The following MYRFL variants were observed in gnomAD, a reference collection of about 807,000 sequenced individuals.
MYRFL encodes the protein myelin regulatory factor like.
In MYRFL, 88 loss-of-function variants were observed where a neutral mutation model predicts 109.4. The observed-to-expected ratio is 0.80, with a 90% CI of 0.68 to 0.96. MYRFL has a LOEUF of 0.96. MYRFL is among the 40% of genes least tolerant of loss of function. The probability of loss-of-function intolerance (pLI) is 0.00; values close to 1 mark genes in which losing one functional copy is unlikely to be tolerated. For synonymous variants in MYRFL, 324 were observed against 320.9 expected, an observed-to-expected ratio of 1.01 and a Z score of -0.10; for missense variants, 957 against 954.9, an observed-to-expected ratio of 1.00 and a Z score of -0.03.
At chr12:69,932,702 A>G (rs987963879) in intron 16 of MYRFL, 104 bp downstream of exon 16, 2 of 835,970 alleles carry the variant, frequency 2.4e-6, no homozygotes, top group Non-Finnish European at 3.8e-6. Context: ...TTTGAAGACA[A>G]GAAGCCCTTT....
chr12:69,914,666 G>A (rs1954676947), intron 13 of MYRFL, among the ~76,000 whole-genome samples: 1 of 152,136 alleles, frequency 6.6e-6, no homozygotes, highest in African/African-American at 2.4e-5. Context: ...CTTCTTCCAG[G>A]AGAGGCTACA....
At chr12:69,886,082 CA>C (rs1313439202) in intron 5 of MYRFL, among the ~76,000 whole-genome samples, 1 of 151,342 alleles carries the variant, frequency 6.6e-6, no homozygotes, top group Non-Finnish European at 1.5e-5. Flanking sequence ...AACCAAAATT[CA>C]AAAAAAAGCA....
intron 19 of MYRFL, among the ~76,000 whole-genome samples, chr12:69,951,302 G>A (rs1955969686): frequency 6.6e-6 from 1 of 152,080 alleles, no homozygotes; most frequent in Non-Finnish European, 1.5e-5. Context: ...GTGTCAGCAG[G>A]TCTGATTTCT....
At position 69,897,166 on chromosome 12, in the gene MYRFL, T is replaced by G; in HGVS notation, c.1102T>G (p.Leu368Val). 1 of 1,535,428 alleles carries G rather than the reference T, an allele frequency of 6.5e-7. No individual in the cohort carries two copies. Among genetic ancestry groups the G allele is most frequent in the South Asian group, 1.2e-5 (1 of 84,042 alleles). Residue 368 changes from leucine to valine, a missense_variant, in exon 10 of 25, where the codon TTG (leucine) becomes GTG (valine). Transcript: ENST00000552032. Reference protein sequence around the residue: ...KPNPDQRYFMLVVGLYAANQD... With the variant: ...KPNPDQRYFMVVVGLYAANQD... ...CTGTCTCTGAATTAGATACTTCATG[T>G]TGGTGGTTGGACTGTATGCTGCTAA...
In MYRFL at chr12:69,837,560, A is replaced by T. The variant is rs182036921; in HGVS notation, c.46+11997A>T. On this transcript the variant is annotated intron_variant, in intron 1 of 24. Transcript: ENST00000552032. ...TGTTATCACATTTCATCTGCAAGCC[A>T]CTCTGTAAGGTGGTAAAACCCATCT... Among the ~76,000 whole-genome samples the T allele has an allele frequency of 2.1e-4, 32 of 152,250 alleles. 1 individual carries two copies. Among genetic ancestry groups the T allele is most frequent in the Middle Eastern group, 3.4e-3 (1 of 294 alleles).
chr12:69,873,393 G>A (rs540718813), intron 2 of MYRFL, among the ~76,000 whole-genome samples: 65 of 152,248 alleles, frequency 4.3e-4, no homozygotes, highest in African/African-American at 1.3e-3. Flanking sequence ...CTCAGCACAC[G>A]ATTTTTTTTT....
chr12:69,891,772 C>T (rs985155314), intron 7 of MYRFL, among the ~76,000 whole-genome samples: 2 of 151,458 alleles, frequency 1.3e-5, no homozygotes, highest in Admixed American at 1.3e-4. Context: ...GATTATGCCT[C>T]ATTGCAGCCT....
intron 5 of MYRFL, among the ~76,000 whole-genome samples, chr12:69,881,596 C>T (rs1230774909): frequency 6.6e-6 from 1 of 152,214 alleles, no homozygotes; most frequent in African/African-American, 2.4e-5. Flanking sequence ...TGGAGGCCTT[C>T]TGTGGATGAT....
At chr12:69,854,154 G>C (rs146335146) in intron 1 of MYRFL, among the ~76,000 whole-genome samples, 8 of 152,182 alleles carry the variant, frequency 5.3e-5, no homozygotes, top group African/African-American at 2.4e-5. Flanking sequence ...AGACCAGTCC[G>C]GCCAACACGG....
chr12:69,936,510 T>C lies in MYRFL; in HGVS notation c.2102T>C (p.Phe701Ser). The change falls in exon 19 of 25, where the codon TTC becomes TCC. Residue 701 changes from phenylalanine to serine, a missense_variant. Physicochemically the swap from Phe to Ser is radical, Grantham distance 155. Coordinates refer to ENST00000552032, the MANE Select transcript of MYRFL (RefSeq NM_182530.3). ...TCCTTACAAGTACCTGAAATTACTT[T>C]CTGTGAAATCCTGCCGTGTCAGGAG... ...PASLQVPEIT[F>S]CEILPCQETY... The C allele has an allele frequency of 6.5e-7, 1 of 1,536,132 alleles. No individual in the cohort carries two copies. Among genetic ancestry groups the C allele is most frequent in the Non-Finnish European group, 8.7e-7 (1 of 1,146,924 alleles).
At chr12:69,951,423 CTTTTTTTTTTT>C (rs11310328) in intron 19 of MYRFL, among the ~76,000 whole-genome samples, 4 of 89,200 alleles carry the variant, frequency 4.5e-5, no homozygotes, top group Middle Eastern at 6.8e-3. Flanking sequence ...TCCTAACCTG[CTTTTTTTTTTT>C]TTTTTTTTTT....
chr12:69,853,195 G>A (rs569214582), intron 1 of MYRFL, among the ~76,000 whole-genome samples: 1 of 151,560 alleles, frequency 6.6e-6, no homozygotes, highest in African/African-American at 2.4e-5. Context: ...CCCGGACGGG[G>A]CAGCTGCCGG....
At chr12:69,827,139 A>G (rs1363281901) in intron 1 of MYRFL, among the ~76,000 whole-genome samples, 1 of 152,056 alleles carries the variant, frequency 6.6e-6, no homozygotes, top group Non-Finnish European at 1.5e-5. Context: ...ACACCATCTC[A>G]TATATAAAAA....
chr12:69,857,564 A>G (rs1884373687), intron 2 of MYRFL, among the ~76,000 whole-genome samples: 3 of 151,846 alleles, frequency 2.0e-5, no homozygotes, highest in South Asian at 2.1e-4. Context: ...GATTTCTTTC[A>G]TCAGTGTTTT....
At chr12:69,855,030 T>C (rs1011063937) in intron 1 of MYRFL, among the ~76,000 whole-genome samples, 8 of 152,238 alleles carry the variant, frequency 5.3e-5, no homozygotes, top group Non-Finnish European at 1.2e-4. Flanking sequence ...AAAGAAAGTG[T>C]GAAACAAGAT....
intron 19 of MYRFL, among the ~76,000 whole-genome samples, chr12:69,948,552 T>C (rs1955893796): frequency 6.6e-6 from 1 of 152,178 alleles, no homozygotes; most frequent in South Asian, 2.1e-4. Context: ...TTTCCACTTC[T>C]CTTTATGCCT....
At chr12:69,870,125 T>G (rs1200293272) in intron 2 of MYRFL, among the ~76,000 whole-genome samples, 21 of 114,476 alleles carry the variant, frequency 1.8e-4, no homozygotes, top group Admixed American at 1.3e-3. Context: ...TTTTTTTTTT[T>G]TGGGACAGAG....
Position 69,843,582 on chromosome 12 carries a change from C to T in MYRFL, c.47-11698C>T, listed in dbSNP as rs529570770. Among the ~76,000 whole-genome samples, 3 of 152,310 alleles carry T rather than the reference C, an allele frequency of 2.0e-5. No homozygotes were observed. In the East Asian group the frequency reaches 5.8e-4, roughly 29 times the overall value. ...AGGTCTTTGCTGTGCCTTCCCTGCT[C>T]ACGCCCTTGGAGAAGCCCCATAGGC... On this transcript the variant is annotated intron_variant, in intron 1 of 24. Transcript: ENST00000552032.
chr12:69,842,813 C>A (rs1883321786), intron 1 of MYRFL, among the ~76,000 whole-genome samples: 1 of 152,166 alleles, frequency 6.6e-6, no homozygotes, highest in African/African-American at 2.4e-5. Context: ...TTGGCTCACC[C>A]CAGGCCAGCC....
Sources: gnomAD v4.1 joint callset for allele counts (sites outside exome capture counted in the v4.1 genomes callset) on GRCh38, gnomAD v4.1.1 for gene constraint, MANE v1.5 for transcripts, NCBI Gene and HGNC (gene_info 2026-07-23, HGNC 2026-07-21) for gene names.